The following CDH10 variants were observed in gnomAD, a reference collection of about 807,000 sequenced individuals.
CDH10 encodes cadherin-10.
Under a neutral mutation model 73.1 loss-of-function variants are expected in CDH10, and 30 were observed. The ratio of observed to expected loss-of-function variants is 0.41; its 90% CI spans 0.31 to 0.56. The LOEUF (loss-of-function observed/expected upper bound fraction) is 0.56. Among genes scored for constraint, CDH10 ranks in the 20% least tolerant of loss-of-function variants. CDH10 has a pLI of 0.27. For synonymous variants in CDH10, 345 were observed against 348.2 expected (o/e 0.99, Z 0.10); for missense variants, 815 against 973.7 (o/e 0.84, Z 2.17).
chr5:24,547,273 A>G (rs1241411234), intron 2 of CDH10, among the ~76,000 whole-genome samples: 3 of 152,226 alleles, frequency 2.0e-5, no homozygotes, highest in Non-Finnish European at 4.4e-5. Flanking sequence ...TCCCACTGTC[A>G]TCATGTAGAA....
intron 3 of CDH10, among the ~76,000 whole-genome samples, chr5:24,536,186 C>T (rs996945461): frequency 1.3e-5 from 2 of 151,952 alleles, no homozygotes; most frequent in Admixed American, 1.3e-4. Flanking sequence ...TAAGTATGTT[C>T]TTCTTCCCCC....
At chr5:24,569,809 C>T (rs760172150) in intron 2 of CDH10, among the ~76,000 whole-genome samples, 1 of 151,684 alleles carries the variant, frequency 6.6e-6, no homozygotes, top group African/African-American at 2.4e-5. Context: ...GTCGCCCAGG[C>T]TGGAGTGCAG....
At chr5:24,626,284 T>C (rs537435669) in intron 1 of CDH10, among the ~76,000 whole-genome samples, 1 of 151,980 alleles carries the variant, frequency 6.6e-6, no homozygotes, top group African/African-American at 2.4e-5. Context: ...TTTCTCTATA[T>C]GGGAAAATTT....
chr5:24,504,587 G>A (rs942274524), intron 8 of CDH10, among the ~76,000 whole-genome samples: 6 of 136,242 alleles, frequency 4.4e-5, no homozygotes, highest in East Asian at 4.6e-4. Flanking sequence ...GTGCAGTGGC[G>A]CGATCTCGGC....
intron 1 of CDH10, among the ~76,000 whole-genome samples, chr5:24,630,268 C>A (rs993851982): frequency 6.6e-6 from 1 of 151,968 alleles, no homozygotes; most frequent in Non-Finnish European, 1.5e-5. Context: ...TTTAAGGAGG[C>A]CACACACAGG....
intron 2 of CDH10, among the ~76,000 whole-genome samples, chr5:24,589,682 C>A (rs1347501843): frequency 6.6e-6 from 1 of 151,904 alleles, no homozygotes; most frequent in Non-Finnish European, 1.5e-5. Context: ...CAAGGCTTTA[C>A]AGTTTAATAT....
chr5:24,573,454 C>A (rs1325147795), intron 2 of CDH10, among the ~76,000 whole-genome samples: 2 of 151,960 alleles, frequency 1.3e-5, no homozygotes, highest in Non-Finnish European at 2.9e-5. Context: ...GTAATCCCAG[C>A]ACTTTGGGAG....
chr5:24,569,011 C>T (rs148442864), intron 2 of CDH10, among the ~76,000 whole-genome samples: 1 of 151,566 alleles, frequency 6.6e-6, no homozygotes, highest in Non-Finnish European at 1.5e-5. Flanking sequence ...TCGGGAGGCT[C>T]AGGCAGGAGA....
In CDH10 at chr5:24,509,676, A is replaced by T. The variant is rs1414485424; in HGVS notation, c.1146T>A (p.Pro382=). The part of the protein sequence containing the change: ...KISIEDVDEP[P]VFSRSSYLFE... ...ACAGATAGGAGGACCTACTAAAAAC[A>T]GGAGGTTCATCCACATCTTCTATAG... The change falls in exon 7 of 12, where the codon CCT becomes CCA. Residue 382 remains proline (P), a synonymous_variant. Coordinates refer to ENST00000264463, the MANE Select transcript of CDH10 (RefSeq NM_006727.5). 3 of 1,613,508 alleles carry T rather than the reference A, an allele frequency of 1.9e-6. No homozygotes were observed. Among genetic ancestry groups the T allele is most frequent in the African/African-American group, 2.7e-5 (2 of 74,912 alleles).
chr5:24,628,645 A>G lies in CDH10; in HGVS notation c.-124+15949T>C, dbSNP rs574497089. On this transcript the variant is annotated intron_variant, in intron 1 of 11. Transcript: ENST00000264463. ...CTTCTTTTAAGTGAAATTTTTAAAT[A>G]ATACCTCTTTTATAAACTTTTTCAT... 3.3e-5 allele frequency among the ~76,000 whole-genome samples: 5 copies of G among 152,252 alleles called. No individual in the cohort carries two copies. The East Asian group carries it at 9.7e-4, about 29-fold the overall frequency.
At chr5:24,544,843 A>C (rs1163040311) in intron 2 of CDH10, among the ~76,000 whole-genome samples, 1 of 152,218 alleles carries the variant, frequency 6.6e-6, no homozygotes, top group African/African-American at 2.4e-5. Context: ...CATTTCAACT[A>C]GGATATATTT....
rs755506070 is a variant in CDH10, at chr5:24,508,459, T to C, written c.1256+1107A>G. On this transcript the variant is annotated intron_variant, in intron 7 of 11. Transcript: ENST00000264463. Reference sequence around the variant, plus strand: ...AACATAAAACAGAAACCTCTCAACTTTGATGGCTGTGCATTAGGGGAGTTT... The same window carrying C: ...AACATAAAACAGAAACCTCTCAACTCTGATGGCTGTGCATTAGGGGAGTTT... Among the ~76,000 whole-genome samples the C allele has an allele frequency of 4.5e-5, 3 of 67,006 alleles. 1 individual carries two copies. 44.0% of individuals were successfully genotyped at this position (67,006 alleles called of 152,430 possible).
intron 5 of CDH10, among the ~76,000 whole-genome samples, chr5:24,528,382 T>G (rs1743607823): frequency 1.3e-5 from 2 of 152,074 alleles, no homozygotes; most frequent in African/African-American, 4.8e-5. Flanking sequence ...CTACATTACC[T>G]TGGGATCCCC....
At position 24,619,938 on chromosome 5, in the gene CDH10, T is replaced by C. The variant is rs139339407; in HGVS notation, c.-124+24656A>G. On this transcript the variant is annotated intron_variant, in intron 1 of 11. Transcript: ENST00000264463. Reference sequence around the variant, plus strand: ...AGAACCGTGAGAAATACATTTCTAATGTTTAAAAGCTACCCACTTTATGGT... The same window carrying C: ...AGAACCGTGAGAAATACATTTCTAACGTTTAAAAGCTACCCACTTTATGGT... Among the ~76,000 whole-genome samples, 280 of 152,330 alleles carry C rather than the reference T, an allele frequency of 1.8e-3. 5 individuals are homozygous for C. The East Asian group carries it at 0.047, about 26-fold the overall frequency.
chr5:24,642,477 AC>A (rs1370128109), intron 1 of CDH10, among the ~76,000 whole-genome samples: 9 of 152,154 alleles, frequency 5.9e-5, no homozygotes, highest in South Asian at 2.1e-4. Context: ...AAGAAAAAAA[AC>A]ATACCTCTTC....
intron 2 of CDH10, among the ~76,000 whole-genome samples, chr5:24,539,199 TAG>T (rs1295050754): frequency 7.9e-5 from 12 of 151,942 alleles, no homozygotes; most frequent in Non-Finnish European, 1.5e-4. Context: ...AAAAAATACA[TAG>T]AGTTACGTAT....
intron 2 of CDH10, among the ~76,000 whole-genome samples, chr5:24,587,596 TAC>T (rs1204720131): frequency 1.3e-5 from 2 of 152,178 alleles, no homozygotes; most frequent in African/African-American, 4.8e-5. Context: ...TGAGATTTAA[TAC>T]AGTTTTCATT....
At chr5:24,588,096 A>G (rs1323981597) in intron 2 of CDH10, among the ~76,000 whole-genome samples, 1 of 152,214 alleles carries the variant, frequency 6.6e-6, no homozygotes, top group Admixed American at 6.5e-5. Context: ...TTTACATATT[A>G]GAGAAGTAAT....
intron 3 of CDH10, among the ~76,000 whole-genome samples, chr5:24,536,223 T>C (rs543599277): frequency 2.5e-4 from 38 of 152,034 alleles, no homozygotes; most frequent in Non-Finnish European, 3.8e-4. Flanking sequence ...CTAAAAATAA[T>C]TAACATCTGC....
Sources: gnomAD v4.1 joint callset for allele counts (sites outside exome capture counted in the v4.1 genomes callset) on GRCh38, gnomAD v4.1.1 for gene constraint, MANE v1.5 for transcripts, NCBI Gene and HGNC (gene_info 2026-07-23, HGNC 2026-07-21) for gene names.